SNX10: variants seen among roughly 807,000 people sequenced by gnomAD.
The protein encoded by SNX10 is sorting nexin 10, also known as sorting nexin-10.
SNX10 carries 25 observed loss-of-function variants against 28.5 expected under a neutral mutation model. The ratio of observed to expected loss-of-function variants is 0.88; its 90% CI spans 0.64 to 1.22. The LOEUF (loss-of-function observed/expected upper bound fraction) is 1.22, where lower values mean the gene tolerates loss of function less well. Among genes scored for constraint, SNX10 ranks in the 50% most tolerant of loss-of-function variants. The pLI, the probability that SNX10 is intolerant of heterozygous loss-of-function variation, is 0.00. For missense variants in SNX10, 223 were observed against 242.6 expected (o/e 0.92, Z 0.54); for synonymous variants, 62 against 81.4 (o/e 0.76, Z 1.28).
chr7:26,355,194 T>G (rs1268516155), intron 2 of SNX10, among the ~76,000 whole-genome samples: 1 of 152,206 alleles, frequency 6.6e-6, no homozygotes, highest in African/African-American at 2.4e-5. Context: ...ACTGATCTTC[T>G]GTGTCTATCC....
chr7:26,293,249 G>C (rs1785993304), intron 1 of SNX10: 1 of 152,224 alleles, frequency 6.6e-6, no homozygotes, highest in South Asian at 2.1e-4. Context: ...CACCCAGGCT[G>C]GATTGCAGTG....
intron 1 of SNX10, among the ~76,000 whole-genome samples, chr7:26,312,659 C>T (rs1216114976): frequency 6.6e-6 from 1 of 152,130 alleles, no homozygotes; most frequent in African/African-American, 2.4e-5. Context: ...TGGCGCTTGC[C>T]TGTAATCCCA....
chr7:26,312,361 ATATACT>A (rs1445915850), intron 1 of SNX10, among the ~76,000 whole-genome samples: 3 of 152,234 alleles, frequency 2.0e-5, no homozygotes, highest in South Asian at 4.1e-4. Context: ...AACCAGAAAA[ATATACT>A]TGAACTTTAT....
intron 1 of SNX10, among the ~76,000 whole-genome samples, chr7:26,311,181 C>T (rs1786825171): frequency 1.3e-5 from 2 of 152,170 alleles, no homozygotes; most frequent in South Asian, 2.1e-4. Context: ...GACAGGGTCT[C>T]GCTCTGTCGC....
intron 2 of SNX10, among the ~76,000 whole-genome samples, chr7:26,346,950 C>T (rs1223252838): frequency 6.6e-6 from 1 of 152,258 alleles, no homozygotes; most frequent in African/African-American, 2.4e-5. Flanking sequence ...CCCCCTGAGC[C>T]TCTCCCTGAC....
At chr7:26,313,537 T>C (rs979015841) in intron 1 of SNX10, among the ~76,000 whole-genome samples, 2 of 152,224 alleles carry the variant, frequency 1.3e-5, no homozygotes, top group Admixed American at 1.3e-4. Context: ...AGGAATGATA[T>C]GCCTTTAAAG....
intron 1 of SNX10, among the ~76,000 whole-genome samples, chr7:26,340,060 G>GA (rs1225003953): frequency 2.0e-5 from 3 of 151,368 alleles, no homozygotes; most frequent in African/African-American, 4.9e-5. Context: ...TTCATCATTT[G>GA]AAAAAATATG....
chr7:26,307,984 C>T (rs992037465), intron 1 of SNX10, among the ~76,000 whole-genome samples: 2 of 152,228 alleles, frequency 1.3e-5, no homozygotes, highest in African/African-American at 2.4e-5. Context: ...CTTCCACTTA[C>T]TCCATCCCTG....
At chr7:26,328,738 T>C (rs971795915) in intron 1 of SNX10, among the ~76,000 whole-genome samples, 1 of 152,108 alleles carries the variant, frequency 6.6e-6, no homozygotes, top group Non-Finnish European at 1.5e-5. Context: ...AGTACAGAAG[T>C]GGGGAGAATG....
At chr7:26,337,305 C>G (rs1307352447) in intron 1 of SNX10, among the ~76,000 whole-genome samples, 1 of 152,182 alleles carries the variant, frequency 6.6e-6, no homozygotes, top group East Asian at 1.9e-4. Context: ...ATGGTCTACA[C>G]CATACTAGTG....
chr7:26,304,836 C>A (rs539485391), intron 1 of SNX10, among the ~76,000 whole-genome samples: 12 of 152,168 alleles, frequency 7.9e-5, no homozygotes, highest in Admixed American at 4.6e-4. Context: ...CTTTTTTAAC[C>A]CCGGTGTCAT....
intron 1 of SNX10, among the ~76,000 whole-genome samples, chr7:26,342,754 G>A (rs1788230600): frequency 1.3e-5 from 2 of 152,084 alleles, no homozygotes; most frequent in African/African-American, 4.8e-5. Flanking sequence ...TGATGTTTTG[G>A]AACAACTGGT....
chr7:26,319,668 T>C (rs1787233561), intron 1 of SNX10, among the ~76,000 whole-genome samples: 1 of 152,258 alleles, frequency 6.6e-6, no homozygotes. Flanking sequence ...AAAACCCATT[T>C]GGATTTGCTC....
chr7:26,358,892 G>A (rs1485206070), intron 2 of SNX10, among the ~76,000 whole-genome samples: 1 of 135,482 alleles, frequency 7.4e-6, no homozygotes, highest in East Asian at 2.3e-4. Flanking sequence ...TGCAACCTCC[G>A]CCTCCTGGGT....
At chr7:26,354,533 T>A (rs28391033) in intron 2 of SNX10, among the ~76,000 whole-genome samples, 1 of 151,780 alleles carries the variant, frequency 6.6e-6, no homozygotes, top group Non-Finnish European at 1.5e-5. Flanking sequence ...AATTAGTTTT[T>A]AAATGTTTGT....
At chr7:26,336,758 A>G (rs1329222174) in intron 1 of SNX10, among the ~76,000 whole-genome samples, 4 of 152,220 alleles carry the variant, frequency 2.6e-5, no homozygotes, top group Admixed American at 2.6e-4. Flanking sequence ...ATCATTTAAT[A>G]TTCTTTTATA....
intron 1 of SNX10, among the ~76,000 whole-genome samples, chr7:26,296,668 A>G (rs1399692723): frequency 6.6e-6 from 1 of 152,228 alleles, no homozygotes; most frequent in Non-Finnish European, 1.5e-5. Context: ...TGTAGGCAAT[A>G]CATTTTTGAA....
intron 2 of SNX10, among the ~76,000 whole-genome samples, chr7:26,359,750 G>A (rs992867158): frequency 1.3e-5 from 2 of 151,214 alleles, no homozygotes; most frequent in Non-Finnish European, 1.5e-5. Flanking sequence ...TGCAACCACC[G>A]CTTCCTGAGT....
At chr7:26,310,822 A>G (rs1786809908) in intron 1 of SNX10, among the ~76,000 whole-genome samples, 1 of 151,812 alleles carries the variant, frequency 6.6e-6, no homozygotes, top group South Asian at 2.1e-4. Flanking sequence ...AGCTGGAACT[A>G]CAGGCGCCTG....
Sources: allele counts gnomAD v4.1 joint callset (sites outside exome capture counted in the v4.1 genomes callset), GRCh38; gene constraint gnomAD v4.1.1; transcripts MANE v1.5; gene names NCBI Gene and HGNC (gene_info 2026-07-23, HGNC 2026-07-21).